The following CHST9 variants were observed in gnomAD, a reference collection of about 807,000 sequenced individuals.
CHST9 encodes the protein GalNAc-4-sulfotransferase 2.
Under a neutral mutation model 44.4 loss-of-function variants are expected in CHST9, and 41 were observed. The ratio of observed to expected loss-of-function variants is 0.92; its 90% CI spans 0.72 to 1.20. CHST9 has a LOEUF of 1.20. Ranked by LOEUF, CHST9 falls within the 50% of genes most tolerant of loss-of-function variation. CHST9 has a pLI of 0.00. For synonymous variants in CHST9, 171 were observed against 178.4 expected (o/e 0.96, Z 0.33); for missense variants, 504 against 516.5 (o/e 0.98, Z 0.23).
chr18:27,094,112 T>C (rs1462620450), intron 2 of CHST9, among the ~76,000 whole-genome samples: 1 of 152,206 alleles, frequency 6.6e-6, no homozygotes, highest in Non-Finnish European at 1.5e-5. Flanking sequence ...TACTTTTATT[T>C]GTGTCTTTTA....
chr18:27,005,247 G>C (rs1216304150), intron 4 of CHST9, among the ~76,000 whole-genome samples: 1 of 152,166 alleles, frequency 6.6e-6, no homozygotes, highest in African/African-American at 2.4e-5. Flanking sequence ...GATTATTGTA[G>C]GGATTAAATG....
intron 4 of CHST9, among the ~76,000 whole-genome samples, chr18:26,962,587 A>G (rs1210834257): frequency 6.6e-6 from 1 of 152,152 alleles, no homozygotes; most frequent in Non-Finnish European, 1.5e-5. Context: ...CACTGCGCTC[A>G]GCATTGTAGT....
chr18:26,952,284 G>A (rs1462331869), intron 4 of CHST9: 1 of 522,988 alleles, frequency 1.9e-6, no homozygotes, highest in Non-Finnish European at 3.8e-6. Flanking sequence ...CAGGGTGTTG[G>A]AAACCTTTAT....
chr18:27,123,169 A>G (rs915212768), intron 2 of CHST9, among the ~76,000 whole-genome samples: 1 of 152,166 alleles, frequency 6.6e-6, no homozygotes, highest in African/African-American at 2.4e-5. Context: ...GTCTATTCCA[A>G]TGATGCATGC....
At chr18:27,064,583 T>C (rs1013840794) in intron 2 of CHST9, among the ~76,000 whole-genome samples, 19 of 152,206 alleles carry the variant, frequency 1.2e-4, no homozygotes, top group Non-Finnish European at 2.6e-4. Flanking sequence ...TCATGGTGGG[T>C]GCATTTTTCC....
At chr18:27,033,562 CT>C (rs2143503395) in intron 3 of CHST9, among the ~76,000 whole-genome samples, 1 of 152,326 alleles carries the variant, frequency 6.6e-6, no homozygotes, top group African/African-American at 2.4e-5. Context: ...TCCCTCCCTT[CT>C]CTTTTTCTCA....
intron 5 of CHST9, among the ~76,000 whole-genome samples, chr18:26,943,477 AC>A (rs1479863063): frequency 3.9e-5 from 6 of 151,988 alleles, no homozygotes; most frequent in African/African-American, 1.5e-4. Context: ...GTGTAGATTT[AC>A]CACCCTTCTC....
At chr18:27,121,597 T>A (rs1465173333) in intron 2 of CHST9, among the ~76,000 whole-genome samples, 1 of 152,166 alleles carries the variant, frequency 6.6e-6, no homozygotes, top group Non-Finnish European at 1.5e-5. Flanking sequence ...GAGTCCTTTT[T>A]GAAACTGCTA....
intron 5 of CHST9, among the ~76,000 whole-genome samples, chr18:26,928,856 G>T (rs712500): frequency 6.6e-6 from 1 of 152,290 alleles, no homozygotes; most frequent in East Asian, 1.9e-4. Context: ...TAGTTGGTTG[G>T]AAGTCTGGCT....
intron 4 of CHST9, among the ~76,000 whole-genome samples, chr18:27,012,597 C>T (rs2057098192): frequency 6.6e-6 from 1 of 152,098 alleles, no homozygotes; most frequent in Admixed American, 6.5e-5. Context: ...CCAGGGTTAA[C>T]TGTAGTTCCT....
At chr18:27,138,568 G>T (rs1005307192) in intron 2 of CHST9, among the ~76,000 whole-genome samples, 3 of 152,090 alleles carry the variant, frequency 2.0e-5, no homozygotes, top group Admixed American at 6.5e-5. Context: ...CTGAATTGTG[G>T]CTGAGTTTTA....
At chr18:27,106,714 T>C (rs2058224277) in intron 2 of CHST9, among the ~76,000 whole-genome samples, 1 of 152,236 alleles carries the variant, frequency 6.6e-6, no homozygotes, top group African/African-American at 2.4e-5. Flanking sequence ...TCCTTTTACT[T>C]TGCAATGCCT....
chr18:26,973,791 G>A (rs907556623), intron 4 of CHST9, among the ~76,000 whole-genome samples: 16 of 152,088 alleles, frequency 1.1e-4, no homozygotes, highest in African/African-American at 3.9e-4. Context: ...TTTTGTATCT[G>A]TTTCCCCCAC....
intron 4 of CHST9, among the ~76,000 whole-genome samples, chr18:27,007,929 T>C (rs564619572): frequency 3.3e-5 from 5 of 152,328 alleles, no homozygotes; most frequent in African/African-American, 1.2e-4. Context: ...GATCATTTAC[T>C]GACTGATTTA....
In CHST9 at chr18:27,171,830, T is replaced by C. The variant is rs903379400; in HGVS notation, c.-97+13306A>G. Among the ~76,000 whole-genome samples, 4 of 152,216 alleles carry C rather than the reference T, an allele frequency of 2.6e-5. No individual in the cohort carries two copies. In the South Asian group the frequency reaches 8.3e-4, roughly 32 times the overall value. ...GTGTAATTTTGCTTACTTCTGAAGA[T>C]AGGTTTTATAGTTCTACTTTGCTAT... On this transcript the variant is annotated intron_variant, in intron 1 of 5. Transcript: ENST00000618847.
At chr18:26,926,189 A>G (rs1167778111) in intron 5 of CHST9, among the ~76,000 whole-genome samples, 1 of 152,242 alleles carries the variant, frequency 6.6e-6, no homozygotes, top group Non-Finnish European at 1.5e-5. Flanking sequence ...AACTGCTTCA[A>G]CACAAACCAG....
At chr18:27,072,747 G>A (rs1238839068) in intron 2 of CHST9, among the ~76,000 whole-genome samples, 1 of 152,142 alleles carries the variant, frequency 6.6e-6, no homozygotes, top group African/African-American at 2.4e-5. Flanking sequence ...AGACTTTTTA[G>A]TCCAGTTTAT....
At chr18:27,068,357 T>G (rs1438236489) in intron 2 of CHST9, among the ~76,000 whole-genome samples, 1 of 152,194 alleles carries the variant, frequency 6.6e-6, no homozygotes, top group African/African-American at 2.4e-5. Flanking sequence ...ACATTTAAGA[T>G]GTACTTGAGG....
At chr18:27,047,841 T>C (rs770956164) in intron 3 of CHST9, among the ~76,000 whole-genome samples, 11 of 152,134 alleles carry the variant, frequency 7.2e-5, no homozygotes, top group Non-Finnish European at 1.5e-4. Context: ...AAGATCGACT[T>C]GGTAAATGAA....
Sources: gnomAD v4.1 joint callset for allele counts (sites outside exome capture counted in the v4.1 genomes callset) on GRCh38, gnomAD v4.1.1 for gene constraint, MANE v1.5 for transcripts, NCBI Gene and HGNC (gene_info 2026-07-23, HGNC 2026-07-21) for gene names.